MACROD2: variants seen among roughly 807,000 people sequenced by gnomAD.
MACROD2 encodes ADP-ribose glycohydrolase MACROD2.
In MACROD2, 36 loss-of-function variants were observed where a neutral mutation model predicts 70.4. The observed-to-expected ratio is 0.51, with a 90% CI of 0.39 to 0.68. The LOEUF is 0.68. Among genes scored for constraint, MACROD2 ranks in the 30% least tolerant of loss-of-function variants. The probability of loss-of-function intolerance (pLI) is 0.00; values close to 1 mark genes in which losing one functional copy is unlikely to be tolerated. For missense variants in MACROD2, 496 were observed against 538.4 expected, an observed-to-expected ratio of 0.92 and a Z score of 0.78; for synonymous variants, 172 against 178.8, an observed-to-expected ratio of 0.96 and a Z score of 0.30.
At chr20:15,982,088 G>C (rs2147455357) in intron 13 of MACROD2, among the ~76,000 whole-genome samples, 1 of 152,012 alleles carries the variant, frequency 6.6e-6, no homozygotes, top group East Asian at 1.9e-4. Flanking sequence ...CATTTTTGGG[G>C]ACCTCTCTTT....
intron 5 of MACROD2, among the ~76,000 whole-genome samples, chr20:15,035,409 A>C (rs74179754): frequency 0.022 from 2,796 of 127,938 alleles, 37 homozygotes; most frequent in Middle Eastern, 0.043. Context: ...GTCTCCAAAA[A>C]AATAAGTAAA....
intron 5 of MACROD2, among the ~76,000 whole-genome samples, chr20:15,219,424 C>T (rs1028675486): frequency 6.6e-6 from 1 of 152,096 alleles, no homozygotes; most frequent in Admixed American, 6.5e-5. Context: ...AAATAAATTG[C>T]CCTTATTATT....
chr20:14,068,456 C>G (rs181771524), intron 2 of MACROD2, among the ~76,000 whole-genome samples: 1 of 152,188 alleles, frequency 6.6e-6, no homozygotes, highest in East Asian at 1.9e-4. Flanking sequence ...ACTCCTCATT[C>G]TAGTAGAATG....
intron 6 of MACROD2, among the ~76,000 whole-genome samples, chr20:15,363,062 A>G (rs1204494770): frequency 1.3e-5 from 2 of 152,114 alleles, no homozygotes; most frequent in African/African-American, 4.8e-5. Flanking sequence ...GGTAGTACAC[A>G]GTTAAGTTGA....
intron 3 of MACROD2, among the ~76,000 whole-genome samples, chr20:14,156,751 A>T (rs982473787): frequency 3.9e-5 from 6 of 152,136 alleles, no homozygotes; most frequent in Admixed American, 3.9e-4. Context: ...TCTTTTGATG[A>T]TTAAATATTG....
intron 8 of MACROD2, among the ~76,000 whole-genome samples, chr20:15,595,229 T>A (rs1437110569): frequency 1.3e-5 from 2 of 152,210 alleles, no homozygotes; most frequent in Non-Finnish European, 2.9e-5. Flanking sequence ...ATAATACTAC[T>A]GAACTGTGCA....
At chr20:15,335,210 TG>T (rs2078035224) in intron 6 of MACROD2, among the ~76,000 whole-genome samples, 2 of 151,814 alleles carry the variant, frequency 1.3e-5, no homozygotes, top group African/African-American at 2.4e-5. Flanking sequence ...GTTTGCTTAG[TG>T]ACTTGCTCTT....
intron 3 of MACROD2, among the ~76,000 whole-genome samples, chr20:14,190,698 ATTTTTTTTTTTTTTTTT>A (rs1161419446): frequency 1.8e-4 from 5 of 28,088 alleles, no homozygotes; most frequent in African/African-American, 6.0e-4. Context: ...ATATATATAT[ATTTTTTTTTTTTTTTTT>A]TTTTTTTTTT....
intron 5 of MACROD2, among the ~76,000 whole-genome samples, chr20:15,057,651 G>C (rs1321478053): frequency 6.6e-6 from 1 of 152,192 alleles, no homozygotes; most frequent in East Asian, 1.9e-4. Flanking sequence ...GGTGAGCTCA[G>C]CTAGGCCATG....
rs369509205 is a variant in MACROD2, at chr20:15,198,180, C to T, written c.419-31760C>T. ...TTCACTATGTTGGCCAGACAGGTCT[C>T]GAACTCCTGACCTCGTGATCCACCC... On this transcript the variant is annotated intron_variant, in intron 5 of 17. Transcript: ENST00000684519. Among the ~76,000 whole-genome samples, 18 of 152,124 alleles carry T rather than the reference C, an allele frequency of 1.2e-4. No homozygotes were observed. In the South Asian group the frequency reaches 3.1e-3, roughly 26 times the overall value.
intron 8 of MACROD2, among the ~76,000 whole-genome samples, chr20:15,857,885 T>C (rs1473706285): frequency 6.6e-6 from 1 of 152,168 alleles, no homozygotes; most frequent in Non-Finnish European, 1.5e-5. Context: ...CAATTCTGTG[T>C]GTGTGTCTCT....
intron 3 of MACROD2, among the ~76,000 whole-genome samples, chr20:14,363,328 G>A (rs564214543): frequency 1.1e-4 from 17 of 152,144 alleles, no homozygotes; most frequent in African/African-American, 3.1e-4. Context: ...GAGGAGTAGA[G>A]AGGGTAGATA....
intron 6 of MACROD2, among the ~76,000 whole-genome samples, chr20:15,267,915 T>G (rs1568680645): frequency 6.6e-6 from 1 of 152,176 alleles, no homozygotes; most frequent in Non-Finnish European, 1.5e-5. Flanking sequence ...TTTGTTTGTT[T>G]GTTTGTTTTG....
intron 5 of MACROD2, among the ~76,000 whole-genome samples, chr20:15,107,659 A>G (rs2075921651): frequency 6.6e-6 from 1 of 151,638 alleles, no homozygotes; most frequent in African/African-American, 2.4e-5. Flanking sequence ...GATTTTTGAT[A>G]CTTTTACAGA....
chr20:14,371,439 A>C (rs2083322438), intron 3 of MACROD2, among the ~76,000 whole-genome samples: 1 of 152,198 alleles, frequency 6.6e-6, no homozygotes, highest in Non-Finnish European at 1.5e-5. Context: ...GCAGTGAGTC[A>C]TGATCATGCT....
At chr20:14,063,514 T>C (rs2053715336) in intron 2 of MACROD2, among the ~76,000 whole-genome samples, 2 of 152,174 alleles carry the variant, frequency 1.3e-5, no homozygotes, top group South Asian at 4.1e-4. Flanking sequence ...CTCCAAAATA[T>C]GAAACTTTTT....
intron 3 of MACROD2, among the ~76,000 whole-genome samples, chr20:14,313,978 A>C (rs1288538305): frequency 2.6e-5 from 4 of 152,172 alleles, no homozygotes; most frequent in Admixed American, 2.6e-4. Flanking sequence ...TTCTAATACC[A>C]AGAGTGGCTA....
intron 3 of MACROD2, among the ~76,000 whole-genome samples, chr20:14,329,560 G>A (rs2122597477): frequency 6.6e-6 from 1 of 152,140 alleles, no homozygotes. Context: ...ATCTGATTGT[G>A]TCACTTTGAA....
intron 5 of MACROD2, among the ~76,000 whole-genome samples, chr20:14,907,775 A>G (rs1184591212): frequency 2.0e-5 from 3 of 152,182 alleles, no homozygotes; most frequent in South Asian, 4.1e-4. Flanking sequence ...AGGGCTTTTC[A>G]TGTCCAACGA....
Sources: allele counts gnomAD v4.1 joint callset (sites outside exome capture counted in the v4.1 genomes callset), GRCh38; gene constraint gnomAD v4.1.1; transcripts MANE v1.5; gene names NCBI Gene and HGNC (gene_info 2026-07-23, HGNC 2026-07-21).